Variants in FAM227B observed in about 807,000 individuals in gnomAD.
FAM227B encodes the protein protein FAM227B.
In FAM227B, 88 loss-of-function variants were observed where a neutral mutation model predicts 73.8. That is an observed-to-expected ratio of 1.19 (90% CI 1.00 to 1.42). FAM227B has a LOEUF of 1.42. Ranked by LOEUF, FAM227B falls within the 40% of genes most tolerant of loss-of-function variation. The pLI, the probability that FAM227B is intolerant of heterozygous loss-of-function variation, is 0.00. For synonymous variants in FAM227B, 210 were observed against 190.5 expected, an observed-to-expected ratio of 1.10 and a Z score of -0.84; for missense variants, 632 against 590.9, an observed-to-expected ratio of 1.07 and a Z score of -0.72.
chr15:49,603,470 T>A (rs1005511144), intron 3 of FAM227B, among the ~76,000 whole-genome samples: 3 of 152,108 alleles, frequency 2.0e-5, no homozygotes, highest in African/African-American at 7.2e-5. Flanking sequence ...CTGATTTTTG[T>A]ATGTTGTTTT....
chr15:49,357,934 T>C (rs1213564393), intron 13 of FAM227B, among the ~76,000 whole-genome samples: 3 of 151,938 alleles, frequency 2.0e-5, no homozygotes, highest in Non-Finnish European at 2.9e-5. Flanking sequence ...TGGTTCAATA[T>C]ACACAAATCA....
At chr15:49,353,667 G>A (rs1181079043) in intron 13 of FAM227B, 1 of 146,812 alleles carries the variant, frequency 6.8e-6, no homozygotes, top group Non-Finnish European at 1.5e-5. Flanking sequence ...CTTTCTTGCA[G>A]TATAGGCTTT....
In FAM227B at chr15:49,391,431, T is replaced by C. The variant is rs2047205007; in HGVS notation, c.1013-20032A>G. Among the ~76,000 whole-genome samples, 3 of 152,240 alleles carry C rather than the reference T, an allele frequency of 2.0e-5. 1 individual carries two copies. The highest frequency in any genetic ancestry group is 4.1e-4 in the South Asian group (2 of 4,826). On this transcript the variant is annotated intron_variant, in intron 11 of 15. Transcript: ENST00000299338. ...AAGAAGGACAAGATGTTTGGTTCCCTATAGAAACTAAAGATGACACATGTC... is the reference window on the plus strand; with the variant it reads ...AAGAAGGACAAGATGTTTGGTTCCCCATAGAAACTAAAGATGACACATGTC...
intron 13 of FAM227B, chr15:49,366,365 C>G: frequency 1.3e-6 from 1 of 789,776 alleles, no homozygotes; most frequent in Non-Finnish European, 2.3e-6. Context: ...TTCAGCACCT[C>G]TTTTCTGTGC....
At chr15:49,416,682 A>G (rs555420041) in intron 11 of FAM227B, among the ~76,000 whole-genome samples, 50 of 152,202 alleles carry the variant, frequency 3.3e-4, no homozygotes, top group Non-Finnish European at 4.7e-4. Flanking sequence ...ACATCAATGT[A>G]CAAAAATCAC....
intron 9 of FAM227B, 84 bp downstream of exon 9, chr15:49,568,161 C>A: frequency 8.4e-7 from 1 of 1,188,934 alleles, no homozygotes; most frequent in Non-Finnish European, 1.2e-6. Flanking sequence ...AATATATTCT[C>A]ATATGGGTTT....
chr15:49,429,406 A>G (rs776904938), intron 11 of FAM227B, among the ~76,000 whole-genome samples: 14 of 151,972 alleles, frequency 9.2e-5, no homozygotes, highest in Admixed American at 3.9e-4. Context: ...CCTGGCACTT[A>G]TGAAGTGCTA....
intron 10 of FAM227B, among the ~76,000 whole-genome samples, chr15:49,529,936 C>T (rs1684912027): frequency 6.6e-6 from 1 of 151,688 alleles, no homozygotes; most frequent in African/African-American, 2.4e-5. Flanking sequence ...TTTCATATAT[C>T]TATAATCCAT....
At chr15:49,407,227 T>C (rs901177282) in intron 11 of FAM227B, among the ~76,000 whole-genome samples, 1 of 152,186 alleles carries the variant, frequency 6.6e-6, no homozygotes, top group Non-Finnish European at 1.5e-5. Context: ...CCCTGTCAAC[T>C]TGAGTGTCTG....
At chr15:49,495,207 C>A (rs1874613) in intron 11 of FAM227B, among the ~76,000 whole-genome samples, 21 of 152,132 alleles carry the variant, frequency 1.4e-4, no homozygotes, top group Non-Finnish European at 1.5e-4. Context: ...TGCAGGCGAT[C>A]TTATGGTAGA....
chr15:49,593,035 G>A (rs186881843), intron 3 of FAM227B, among the ~76,000 whole-genome samples: 9 of 152,298 alleles, frequency 5.9e-5, no homozygotes, highest in Non-Finnish European at 1.0e-4. Context: ...TGCTAATACC[G>A]TGGGAAAGGC....
intron 11 of FAM227B, among the ~76,000 whole-genome samples, chr15:49,373,876 T>A (rs1211097591): frequency 6.6e-6 from 1 of 152,180 alleles, no homozygotes; most frequent in East Asian, 1.9e-4. Context: ...TGCTGATAGA[T>A]ACACTTTAGA....
At chr15:49,483,932 G>A (rs1414571796) in intron 11 of FAM227B, among the ~76,000 whole-genome samples, 1 of 152,012 alleles carries the variant, frequency 6.6e-6, no homozygotes, top group African/African-American at 2.4e-5. Context: ...CCTGAGGGAG[G>A]CAGAGGTTCT....
At chr15:49,387,714 T>G (rs916395156) in intron 11 of FAM227B, among the ~76,000 whole-genome samples, 13 of 151,792 alleles carry the variant, frequency 8.6e-5, no homozygotes, top group African/African-American at 3.1e-4. Context: ...ATGATATGAC[T>G]GTGTACCTAG....
At chr15:49,452,272 C>T (rs554105917) in intron 11 of FAM227B, among the ~76,000 whole-genome samples, 9 of 152,152 alleles carry the variant, frequency 5.9e-5, no homozygotes, top group East Asian at 1.9e-4. Flanking sequence ...AGGATGGTCT[C>T]GAACTCCTGA....
At chr15:49,369,091 TG>T (rs1223524449) in intron 12 of FAM227B, among the ~76,000 whole-genome samples, 1 of 152,046 alleles carries the variant, frequency 6.6e-6, no homozygotes, top group East Asian at 1.9e-4. Flanking sequence ...TCCGAGTAGC[TG>T]GGACTACAGG....
chr15:49,547,743 G>T (rs1158903373), intron 9 of FAM227B, among the ~76,000 whole-genome samples: 1 of 152,162 alleles, frequency 6.6e-6, no homozygotes, highest in Admixed American at 6.5e-5. Context: ...TTTATATAAT[G>T]ATAAAGCAAT....
intron 11 of FAM227B, among the ~76,000 whole-genome samples, chr15:49,405,438 TTTTG>T (rs1195518471): frequency 1.3e-5 from 2 of 152,106 alleles, no homozygotes; most frequent in Admixed American, 1.3e-4. Flanking sequence ...TTCTCAGAGA[TTTTG>T]TTTGTTGCTT....
intron 11 of FAM227B, among the ~76,000 whole-genome samples, chr15:49,441,569 C>T (rs2051646272): frequency 6.6e-6 from 1 of 151,436 alleles, no homozygotes; most frequent in South Asian, 2.1e-4. Flanking sequence ...TTAGGATTTC[C>T]ATATATAGAG....
Sources: allele counts gnomAD v4.1 joint callset (sites outside exome capture counted in the v4.1 genomes callset), GRCh38; gene constraint gnomAD v4.1.1; transcripts MANE v1.5; gene names NCBI Gene and HGNC (gene_info 2026-07-23, HGNC 2026-07-21).